KDM5C: variants seen among roughly 807,000 people sequenced by gnomAD.
The protein encoded by KDM5C is lysine-specific demethylase 5C.
KDM5C carries 16 observed loss-of-function variants against 110.6 expected under a neutral mutation model. The ratio of observed to expected loss-of-function variants is 0.14; its 90% CI spans 0.10 to 0.22. The LOEUF is 0.22. KDM5C is among the 10% of genes least tolerant of loss of function. KDM5C has a pLI of 1.00. For synonymous variants in KDM5C, 511 were observed against 520.4 expected (o/e 0.98, Z 0.24); for missense variants, 681 against 1,300.9 (o/e 0.52, Z 7.33).
At chrX:53,200,319 A>G (rs782625765) in intron 14 of KDM5C, among the ~76,000 whole-genome samples, 4 of 111,602 alleles carry the variant, frequency 3.6e-5, no homozygotes, top group Middle Eastern at 4.6e-3. Flanking sequence ...GATGTAAACT[A>G]TAAGTCCTCT....
Position 53,192,860 on chromosome X carries a change from CACCCCCCT to C in KDM5C, c.*99_*106del. 1 of 675,404 alleles carries C rather than the reference CACCCCCCT, an allele frequency of 1.5e-6. No homozygotes were observed. Among genetic ancestry groups the C allele is most frequent in the Non-Finnish European group, 2.0e-6 (1 of 507,082 alleles). 55.7% of individuals were successfully genotyped at this position (675,404 alleles called of 1,213,427 possible). A position where few individuals can be genotyped will look rare whatever the true frequency, so the allele number is the denominator to read the frequency against. On this transcript the variant is annotated 3_prime_UTR_variant, in exon 26 of 26. Coordinates refer to ENST00000375401, the MANE Select transcript of KDM5C (RefSeq NM_004187.5). ...GGGGTGGGCGGGTAGCAGGGATGGC[CACCCCCCT>C]ACCCGCCCACCCCCCAAGAAGCAGG...
Position 53,205,382 on chromosome X carries a change from C to T in KDM5C, c.1747-3409G>A, listed in dbSNP as rs185528244. 1.7e-3 allele frequency among the ~76,000 whole-genome samples: 190 copies of T among 112,293 alleles called. No individual in the cohort carries two copies. The Middle Eastern group carries it at 0.028, about 16-fold the overall frequency. On this transcript the variant is annotated intron_variant, in intron 12 of 25. Coordinates refer to ENST00000375401, the MANE Select transcript of KDM5C (RefSeq NM_004187.5). The stretch of plus-strand genomic sequence containing the variant: ...CATTTATTTGGACCATGCATCAGCT[C>T]CCACCTCCGTCATATTTTCTTCTCA...
At chrX:53,211,952 T>C in intron 8 of KDM5C, 46 bp from the exon 9 acceptor site, 1 of 1,199,879 alleles carries the variant, frequency 8.3e-7, no homozygotes, top group Non-Finnish European at 1.1e-6. Context: ...GGCAAAGAGG[T>C]GAAGAATCCT....
chrX:53,198,720 A>C (rs782076730), intron 16 of KDM5C, 44 bp downstream of exon 16: 30 of 1,211,705 alleles, frequency 2.5e-5, no homozygotes, highest in Non-Finnish European at 3.4e-5. Flanking sequence ...AAGAAAGGGA[A>C]TAGAACTTGC....
chrX:53,209,271 T>C (rs2073484810), intron 12 of KDM5C, among the ~76,000 whole-genome samples: 1 of 110,551 alleles, frequency 9.0e-6, no homozygotes, highest in Non-Finnish European at 1.9e-5. Flanking sequence ...TTAAATGGGG[T>C]GAGGTAGAGA....
At position 53,198,608 on chromosome X, in the gene KDM5C, C is replaced by T. The variant is rs1455406141; in HGVS notation, c.2398G>A (p.Glu800Lys). 3 of 1,210,424 alleles carry T rather than the reference C, an allele frequency of 2.5e-6. No homozygotes were observed. Among genetic ancestry groups the T allele is most frequent in the Non-Finnish European group, 3.4e-6 (3 of 895,330 alleles). The change falls in exon 17 of 26, where the codon GAA (glutamate) becomes AAA (lysine). Residue 800 changes from glutamate (E) to lysine (K), a missense_variant. By Grantham distance (56) the Glu-to-Lys change is moderately conservative. Transcript: ENST00000375401. ...SLEELRALES[E>K]ARERRFPNSE... ...TTAGGAAACCTCCGCTCACGGGCTTCAGACTCTAGTGCCCTCAGTTCTTCA... is the reference window on the plus strand; with the variant it reads ...TTAGGAAACCTCCGCTCACGGGCTTTAGACTCTAGTGCCCTCAGTTCTTCA...
chrX:53,211,366 T>A, intron 10 of KDM5C, 131 bp downstream of exon 10: 1 of 704,637 alleles, frequency 1.4e-6, no homozygotes. Flanking sequence ...TTCTTTCATC[T>A]CATCTAAATC....
chrX:53,216,281 A>G, intron 5 of KDM5C, 84 bp from the exon 6 acceptor site: 7 of 1,147,359 alleles, frequency 6.1e-6, no homozygotes, highest in Non-Finnish European at 8.3e-6. Flanking sequence ...CGGACTACAT[A>G]TCACCTGATC....
intron 23 of KDM5C, 27 bp downstream of exon 23, chrX:53,194,112 G>A: frequency 8.4e-7 from 1 of 1,184,666 alleles, no homozygotes; most frequent in Non-Finnish European, 1.1e-6. Context: ...AAGAATCTGA[G>A]GACAAGAGCT....
At chrX:53,218,135 T>C (rs782680424) in intron 3 of KDM5C, 141 bp downstream of exon 3, 141 of 884,936 alleles carry the variant, frequency 1.6e-4, no homozygotes, top group Non-Finnish European at 2.2e-4. Flanking sequence ...TCCAAGATGT[T>C]CTGATGACAG....
intron 1 of KDM5C, among the ~76,000 whole-genome samples, chrX:53,222,216 G>A (rs1274508444): frequency 9.1e-6 from 1 of 110,047 alleles, no homozygotes; most frequent in African/African-American, 3.3e-5. Flanking sequence ...CAGTGAAAGA[G>A]AAGAAAAACT....
intron 12 of KDM5C, 146 bp downstream of exon 12, chrX:53,210,268 G>A: frequency 1.4e-6 from 1 of 718,892 alleles, no homozygotes; most frequent in Non-Finnish European, 2.1e-6. Context: ...GTCTCTACTA[G>A]ACTAGTCAAA....
At chrX:53,189,269 C>T (rs782589224), downstream of KDM5C, among the ~76,000 whole-genome samples, 103 of 112,099 alleles carry the variant, frequency 9.2e-4, no homozygotes, top group Non-Finnish European at 1.2e-3. Context: ...GAACTATTTC[C>T]GGATTGCAGG....
At position 53,196,029 on chromosome X, in the gene KDM5C, C is replaced by T. The variant is rs2146834192; in HGVS notation, c.3007G>A (p.Glu1003Lys). Residue 1003 changes from glutamate (E) to lysine (K), a missense_variant, in exon 20 of 26, where the codon GAG becomes AAG. Glu to Lys is a moderately conservative substitution (Grantham distance 56). Transcript: ENST00000375401. ...ARQKHPPATL[E>K]AIIREAENIP... ...TTTTCCGCTTCACGGATTATGGCCT[C>T]AAGTGTGGCTGGTGGATGCTTCTGC... 2 of 1,212,116 alleles carry T rather than the reference C, an allele frequency of 1.7e-6. No individual in the cohort carries two copies. Among genetic ancestry groups the T allele is most frequent in the Non-Finnish European group, 2.2e-6 (2 of 895,514 alleles).
chrX:53,182,608 C>T (rs1430047726), intron 25 of KDM5C, among the ~76,000 whole-genome samples: 2 of 112,029 alleles, frequency 1.8e-5, no homozygotes, highest in Admixed American at 9.4e-5. Flanking sequence ...CTCAGGTGAT[C>T]CGCCCACCTC....
intron 14 of KDM5C, among the ~76,000 whole-genome samples, chrX:53,199,830 G>A (rs991000278): frequency 1.9e-4 from 21 of 111,655 alleles, no homozygotes; most frequent in African/African-American, 6.8e-4. Context: ...TATCTAATGG[G>A]CAATTTTAGG....
intron 12 of KDM5C, among the ~76,000 whole-genome samples, chrX:53,204,881 C>T (rs1033369487): frequency 1.8e-5 from 2 of 112,035 alleles, no homozygotes; most frequent in Admixed American, 9.5e-5. Flanking sequence ...CCACTGATAA[C>T]AAATCTTTGG....
rs782601214 is a variant in KDM5C at position 53,198,705 on chromosome X, T to A, written c.2368+59A>T. The stretch of plus-strand genomic sequence containing the variant: ...TAGAGGCAGAGGAAGGGGGTCAGAG[T>A]ACAGAAGAAAGGGAATAGAACTTGC... On this transcript the variant is annotated intron_variant, in intron 16 of 25. Coordinates refer to ENST00000375401, the MANE Select transcript of KDM5C (RefSeq NM_004187.5). The A allele has an allele frequency of 1.2e-5, 14 of 1,209,029 alleles. No homozygotes were observed. The African/African-American group carries it at 2.5e-4, about 21-fold the overall frequency.
intron 10 of KDM5C, 75 bp from the exon 11 acceptor site, chrX:53,210,932 G>A (rs911797021): frequency 1.6e-4 from 157 of 996,669 alleles, no homozygotes; most frequent in Non-Finnish European, 9.5e-5. Flanking sequence ...ATTTTCTTTA[G>A]CCTAGGGAAC....
Sources: gnomAD v4.1 joint callset for allele counts (sites outside exome capture counted in the v4.1 genomes callset) on GRCh38, gnomAD v4.1.1 for gene constraint, MANE v1.5 for transcripts, NCBI Gene and HGNC (gene_info 2026-07-23, HGNC 2026-07-21) for gene names.